The following TBC1D1 variants were observed in gnomAD, a reference collection of about 807,000 sequenced individuals.
The protein encoded by TBC1D1 is TBC1 (tre-2/USP6, BUB2, cdc16) domain family, member 1.
A neutral mutation model predicts 125.6 loss-of-function variants in TBC1D1; 89 were observed. The ratio of observed to expected loss-of-function variants is 0.71; its 90% CI spans 0.60 to 0.85. The LOEUF is 0.85. TBC1D1 is among the 40% of genes least tolerant of loss of function. TBC1D1 has a pLI of 0.00. For synonymous variants in TBC1D1, 565 were observed against 564.1 expected, an observed-to-expected ratio of 1.00 and a Z score of -0.02; for missense variants, 1,377 against 1,469.2, an observed-to-expected ratio of 0.94 and a Z score of 1.03.
intron 2 of TBC1D1, among the ~76,000 whole-genome samples, chr4:37,949,358 T>C (rs1025489195): frequency 1.3e-5 from 2 of 152,254 alleles, no homozygotes; most frequent in Non-Finnish European, 2.9e-5. Context: ...GAGTGCTTCC[T>C]ATTAGGTTGA....
intron 18 of TBC1D1, 88 bp downstream of exon 20, chr4:38,125,219 C>A: frequency 7.4e-7 from 1 of 1,348,638 alleles, no homozygotes; most frequent in Non-Finnish European, 1.0e-6. Flanking sequence ...CTGTTTCCTA[C>A]CACTTTGTGT....
intron 12 of TBC1D1, among the ~76,000 whole-genome samples, chr4:38,082,834 C>A (rs1756809406): frequency 6.6e-6 from 1 of 152,206 alleles, no homozygotes; most frequent in African/African-American, 2.4e-5. Context: ...GTTGTCATGA[C>A]CTCTAACCAG....
At position 38,049,893 on chromosome 4, in the gene TBC1D1, A is replaced by G; in HGVS notation, c.1905A>G (p.Glu635=). The stretch of plus-strand genomic sequence containing the variant: ...CAGTGAGCACAGAGACGCCTCATGA[A>G]CGAAAGTAAGATTTGTTTAAATTTG... Residue 635 remains glutamate (E), a synonymous_variant, in exon 11 of 20, where the codon GAA becomes GAG. Coordinates refer to ENST00000261439, the MANE Select transcript of TBC1D1 (RefSeq NM_015173.4). 2 of 1,607,144 alleles carry G rather than the reference A, an allele frequency of 1.2e-6. No homozygotes were observed. The highest frequency in any genetic ancestry group is 1.1e-5 in the South Asian group (1 of 90,498).
At chr4:37,922,821 T>C (rs1721293314) in intron 2 of TBC1D1, among the ~76,000 whole-genome samples, 1 of 152,160 alleles carries the variant, frequency 6.6e-6, no homozygotes, top group South Asian at 2.1e-4. Context: ...GGGGGTGGGC[T>C]TGTGATCCAA....
chr4:37,950,607 A>T (rs958796397), intron 2 of TBC1D1, among the ~76,000 whole-genome samples: 2 of 135,460 alleles, frequency 1.5e-5, no homozygotes, highest in Non-Finnish European at 3.1e-5. Flanking sequence ...CTCCCCCAAT[A>T]GCAACATTCC....
At chr4:38,022,832 TG>T (rs1452983818) in intron 6 of TBC1D1, among the ~76,000 whole-genome samples, 4 of 152,216 alleles carry the variant, frequency 2.6e-5, no homozygotes, top group Non-Finnish European at 5.9e-5. Context: ...GTTCTGTTTA[TG>T]GGAGGATTTC....
At chr4:38,004,636 AAAGT>A (rs531280859) in intron 2 of TBC1D1, among the ~76,000 whole-genome samples, 52 of 152,328 alleles carry the variant, frequency 3.4e-4, no homozygotes, top group African/African-American at 1.2e-3. Context: ...CTCGATGATA[AAAGT>A]TAGTTGCAGA....
intron 2 of TBC1D1, among the ~76,000 whole-genome samples, chr4:37,925,144 G>A (rs1423200305): frequency 6.6e-6 from 1 of 152,204 alleles, no homozygotes; most frequent in Admixed American, 6.5e-5. Flanking sequence ...TGGGCTCCAT[G>A]CCGAGGCACA....
In TBC1D1 at chr4:38,027,771, C is replaced by CTTTTTT; in HGVS notation, c.1211-16_1211-11dup. 1 of 1,592,184 alleles carries CTTTTTT rather than the reference C, an allele frequency of 6.3e-7. No homozygotes were observed. Among genetic ancestry groups the CTTTTTT allele is most frequent in the Non-Finnish European group, 8.6e-7 (1 of 1,166,078 alleles). On this transcript the variant is annotated splice_polypyrimidine_tract_variant and intron_variant, in intron 6 of 19. Transcript: ENST00000261439. ...TTATATAGAATTTTTTCATGCCTCT[C>CTTTTTT]TTTTTTCTCTTAATAGGAATGAATT...
At chr4:37,942,704 A>G (rs575600699) in intron 2 of TBC1D1, among the ~76,000 whole-genome samples, 1 of 152,018 alleles carries the variant, frequency 6.6e-6, no homozygotes, top group South Asian at 2.1e-4. Context: ...ACGCCTGGCT[A>G]ATTTTTTTTG....
intron 12 of TBC1D1, among the ~76,000 whole-genome samples, chr4:38,068,895 CAG>C (rs1269814336): frequency 6.6e-6 from 1 of 152,234 alleles, no homozygotes; most frequent in Non-Finnish European, 1.5e-5. Context: ...CTCCGTCACT[CAG>C]AACCACAAAT....
intron 2 of TBC1D1, among the ~76,000 whole-genome samples, chr4:37,966,117 G>A (rs1731008083): frequency 6.6e-6 from 1 of 152,142 alleles, no homozygotes; most frequent in African/African-American, 2.4e-5. Flanking sequence ...TGGAGATCGT[G>A]GGCCTAATAC....
chr4:37,954,271 A>G (rs971066973), intron 2 of TBC1D1, among the ~76,000 whole-genome samples: 1 of 152,152 alleles, frequency 6.6e-6, no homozygotes. Flanking sequence ...CGTGGGTCAC[A>G]TGTTGACTTT....
At chr4:37,945,080 A>AT (rs144234458) in intron 2 of TBC1D1, among the ~76,000 whole-genome samples, 14,660 of 152,280 alleles carry the variant, frequency 0.096, 885 homozygotes, top group East Asian at 0.17. Context: ...ATGACAAACC[A>AT]TAAGGCACAG....
chr4:38,115,340 G>A (rs1285740500), intron 15 of TBC1D1, among the ~76,000 whole-genome samples: 6 of 152,030 alleles, frequency 3.9e-5, no homozygotes, highest in Non-Finnish European at 4.4e-5. Flanking sequence ...GACCTCAGGC[G>A]ATCCTTCCAC....
At chr4:38,129,856 G>A (rs993968066) in intron 18 of TBC1D1, among the ~76,000 whole-genome samples, 10 of 152,156 alleles carry the variant, frequency 6.6e-5, no homozygotes, top group Non-Finnish European at 1.3e-4. Flanking sequence ...CTTGATGCCA[G>A]TACCCAGCAC....
chr4:38,091,349 C>T (rs918144593), intron 13 of TBC1D1, among the ~76,000 whole-genome samples: 1 of 152,138 alleles, frequency 6.6e-6, no homozygotes, highest in Non-Finnish European at 1.5e-5. Flanking sequence ...CACTGGGGGG[C>T]GTTTAGAGCA....
At chr4:37,996,205 G>C (rs1302218652) in intron 2 of TBC1D1, 1 of 312,786 alleles carries the variant, frequency 3.2e-6, no homozygotes, top group Non-Finnish European at 6.6e-6. Flanking sequence ...AGGCTTGGCC[G>C]TGCAGCTTCA....
intron 15 of TBC1D1, among the ~76,000 whole-genome samples, chr4:38,108,747 A>ATATGG (rs1290258639): frequency 1.3e-5 from 2 of 152,264 alleles, no homozygotes; most frequent in African/African-American, 4.8e-5. Flanking sequence ...ACTATAATCC[A>ATATGG]ATTTTTTAGA....
Sources: allele counts gnomAD v4.1 joint callset (sites outside exome capture counted in the v4.1 genomes callset), GRCh38; gene constraint gnomAD v4.1.1; transcripts MANE v1.5; gene names NCBI Gene and HGNC (gene_info 2026-07-23, HGNC 2026-07-21).